Variants in ZFHX3 observed in about 807,000 individuals in gnomAD.
The protein encoded by ZFHX3 is zinc finger homeobox protein 3.
ZFHX3 carries 42 observed loss-of-function variants against 279.1 expected under a neutral mutation model. The ratio of observed to expected loss-of-function variants is 0.15; its 90% CI spans 0.12 to 0.19. ZFHX3 has a LOEUF of 0.19. Among genes scored for constraint, ZFHX3 ranks in the 10% least tolerant of loss-of-function variants. The pLI is 1.00. For missense variants in ZFHX3, 4,981 were observed against 4,754.0 expected (o/e 1.05, Z -1.40); for synonymous variants, 2,293 against 1,957.8 (o/e 1.17, Z -4.52).
intron 4 of ZFHX3, among the ~76,000 whole-genome samples, chr16:73,261,467 A>G (rs2013821539): frequency 6.6e-6 from 1 of 152,112 alleles, no homozygotes; most frequent in Non-Finnish European, 1.5e-5. Context: ...TAAATTTGGG[A>G]CTATATGAAG....
intron 1 of ZFHX3, among the ~76,000 whole-genome samples, chr16:73,889,589 A>G (rs1457413613): frequency 6.6e-6 from 1 of 152,226 alleles, no homozygotes; most frequent in African/African-American, 2.4e-5. Flanking sequence ...AAGAGGGGCA[A>G]TAATGAACCG....
At chr16:73,365,089 C>T (rs533717093) in intron 3 of ZFHX3, among the ~76,000 whole-genome samples, 99 of 152,308 alleles carry the variant, frequency 6.5e-4, no homozygotes, top group Middle Eastern at 3.4e-3. Flanking sequence ...TTGTGAAGTG[C>T]CACATGTTTC....
chr16:73,337,353 C>T (rs918482891), intron 3 of ZFHX3, among the ~76,000 whole-genome samples: 10 of 152,140 alleles, frequency 6.6e-5, no homozygotes, highest in Non-Finnish European at 1.3e-4. Context: ...CTCTGGAGGC[C>T]ACTGCTTTCT....
At chr16:73,466,360 G>A (rs1416407034) in intron 2 of ZFHX3, among the ~76,000 whole-genome samples, 1 of 152,144 alleles carries the variant, frequency 6.6e-6, no homozygotes, top group Admixed American at 6.5e-5. Context: ...GTACACACCT[G>A]TGGTCCCAGC....
At chr16:73,322,698 G>A (rs186611387) in intron 3 of ZFHX3, among the ~76,000 whole-genome samples, 1 of 152,300 alleles carries the variant, frequency 6.6e-6, no homozygotes, top group East Asian at 1.9e-4. Context: ...CAAAGACATA[G>A]ACCATTATAA....
chr16:73,577,638 G>C (rs2051814499), intron 2 of ZFHX3, among the ~76,000 whole-genome samples: 1 of 152,090 alleles, frequency 6.6e-6, no homozygotes, highest in Non-Finnish European at 1.5e-5. Context: ...GTGGACAACA[G>C]CTTTCTCTTT....
intron 4 of ZFHX3, among the ~76,000 whole-genome samples, chr16:73,265,591 G>A (rs1447375834): frequency 6.6e-6 from 1 of 152,076 alleles, no homozygotes; most frequent in Non-Finnish European, 1.5e-5. Context: ...TCTACCTGTC[G>A]GGCATTTGGT....
At chr16:72,921,266 G>A (rs981857882) in intron 3 of ZFHX3, among the ~76,000 whole-genome samples, 4 of 152,126 alleles carry the variant, frequency 2.6e-5, no homozygotes, top group Non-Finnish European at 4.4e-5. Flanking sequence ...CATCAACGAA[G>A]CTTCTAGGAG....
intron 3 of ZFHX3, among the ~76,000 whole-genome samples, chr16:72,919,017 G>T (rs538846436): frequency 1.3e-5 from 2 of 151,944 alleles, no homozygotes; most frequent in African/African-American, 4.8e-5. Flanking sequence ...ATTTCTATAC[G>T]ATGTTCCTTT....
At chr16:72,966,192 T>A (rs1197618376) in intron 1 of ZFHX3, among the ~76,000 whole-genome samples, 1 of 152,138 alleles carries the variant, frequency 6.6e-6, no homozygotes, top group East Asian at 1.9e-4. Flanking sequence ...CATGCAGGCA[T>A]GTCCACTTGC....
At chr16:72,948,394 A>G (rs1432585207) in intron 3 of ZFHX3, among the ~76,000 whole-genome samples, 1 of 152,200 alleles carries the variant, frequency 6.6e-6, no homozygotes, top group East Asian at 1.9e-4. Flanking sequence ...CCTTAAAAAA[A>G]GAAATGAGAA....
chr16:73,340,986 A>T (rs2016021263), intron 3 of ZFHX3, among the ~76,000 whole-genome samples: 1 of 152,190 alleles, frequency 6.6e-6, no homozygotes, highest in Non-Finnish European at 1.5e-5. Flanking sequence ...CAAACAGGAG[A>T]AAACTGTTTG....
At chr16:73,175,371 C>T (rs565506885) in intron 5 of ZFHX3, among the ~76,000 whole-genome samples, 19 of 149,036 alleles carry the variant, frequency 1.3e-4, no homozygotes, top group African/African-American at 4.7e-4. Context: ...CAGAGAGAGA[C>T]TATGTCTCCA....
At chr16:73,368,709 T>G (rs1352726044) in intron 3 of ZFHX3, among the ~76,000 whole-genome samples, 1 of 152,350 alleles carries the variant, frequency 6.6e-6, no homozygotes, top group South Asian at 2.1e-4. Flanking sequence ...TATTTCGGTA[T>G]GTAATGGGTA....
chr16:73,110,330 A>C (rs1386239445), intron 7 of ZFHX3, among the ~76,000 whole-genome samples: 3 of 152,192 alleles, frequency 2.0e-5, no homozygotes, highest in Non-Finnish European at 4.4e-5. Context: ...TTTGCACATG[A>C]AACAGTAGTA....
intron 2 of ZFHX3, among the ~76,000 whole-genome samples, chr16:73,611,641 T>TA (rs1293494774): frequency 1.3e-5 from 2 of 152,236 alleles, no homozygotes; most frequent in African/African-American, 4.8e-5. Context: ...AGTGAAGGTC[T>TA]AATTAGGAGT....
intron 4 of ZFHX3, among the ~76,000 whole-genome samples, chr16:72,871,005 T>A (rs540778188): frequency 6.6e-6 from 1 of 152,304 alleles, no homozygotes; most frequent in Admixed American, 6.5e-5. Flanking sequence ...AATGTGTATA[T>A]TTCTATTTAT....
chr16:73,634,751 C>A lies in ZFHX3; in HGVS notation c.-1547+45429G>T, dbSNP rs1597038981. Among the ~76,000 whole-genome samples, 5 of 152,128 alleles carry A rather than the reference C, an allele frequency of 3.3e-5. No individual in the cohort carries two copies. In the South Asian group the frequency reaches 1.0e-3, roughly 32 times the overall value. ...TTAGAGGAAGCAAGACCTTCCAAGT[C>A]ACCAATGATAGCACTGGGTGACAAA... is the stretch of plus-strand genomic sequence containing the variant. On this transcript the variant is annotated intron_variant, in intron 2 of 17. Transcript: ENST00000641206.
At chr16:73,273,539 T>C (rs936843558) in intron 4 of ZFHX3, among the ~76,000 whole-genome samples, 1 of 152,184 alleles carries the variant, frequency 6.6e-6, no homozygotes, top group Non-Finnish European at 1.5e-5. Context: ...CCATTTTTTC[T>C]TTTCTTTACG....
Sources: gnomAD v4.1 joint callset for allele counts (sites outside exome capture counted in the v4.1 genomes callset) on GRCh38, gnomAD v4.1.1 for gene constraint, MANE v1.5 for transcripts, NCBI Gene and HGNC (gene_info 2026-07-23, HGNC 2026-07-21) for gene names.